Variants in NRXN1 observed in about 807,000 individuals in gnomAD.
NRXN1 encodes the protein neurexin 1, also known as neurexin-1.
In NRXN1, 39 loss-of-function variants were observed where a neutral mutation model predicts 150.9. That is an observed-to-expected ratio of 0.26 (90% confidence interval 0.20 to 0.34). The LOEUF (loss-of-function observed/expected upper bound fraction) is 0.34. Ranked by LOEUF, NRXN1 falls within the 10% of genes least tolerant of loss-of-function variation. The pLI, the probability that NRXN1 is intolerant of heterozygous loss-of-function variation, is 1.00. For missense variants in NRXN1, 1,815 were observed against 1,949.9 expected (o/e 0.93, Z 1.30); for synonymous variants, 924 against 757.0 (o/e 1.22, Z -3.62).
chr2:50,221,328 T>C (rs910857073), intron 18 of NRXN1, among the ~76,000 whole-genome samples: 6 of 152,184 alleles, frequency 3.9e-5, no homozygotes, highest in South Asian at 4.1e-4. Flanking sequence ...TGCTGCTCAG[T>C]ACCATGTGTT....
intron 21 of NRXN1, among the ~76,000 whole-genome samples, chr2:49,975,917 T>C (rs2152501419): frequency 6.6e-6 from 1 of 152,156 alleles, no homozygotes; most frequent in South Asian, 2.1e-4. Flanking sequence ...CTCAGATACA[T>C]TTGAATGAAA....
In NRXN1 at chr2:50,199,777, C is replaced by T. The variant is rs1054777254; in HGVS notation, c.3546+37012G>A. 4.6e-5 allele frequency among the ~76,000 whole-genome samples: 7 copies of T among 152,078 alleles called. No individual in the cohort carries two copies. In the East Asian group the frequency reaches 1.3e-3, roughly 29 times the overall value. On this transcript the variant is annotated intron_variant, in intron 18 of 22. Coordinates refer to ENST00000401669, the MANE Select transcript of NRXN1 (RefSeq NM_001330078.2). ...AAGCAGATTAACTAACTGAATGATA[C>T]AAAATGGTCCACTCCTCTTTTCTTA...
chr2:50,087,155 A>T (rs1324413040), intron 19 of NRXN1, among the ~76,000 whole-genome samples: 4 of 152,156 alleles, frequency 2.6e-5, no homozygotes, highest in African/African-American at 9.6e-5. Flanking sequence ...TTTATATCTT[A>T]TTCAGAAATT....
chr2:50,819,296 T>G (rs956154918), intron 5 of NRXN1, among the ~76,000 whole-genome samples: 1 of 152,126 alleles, frequency 6.6e-6, no homozygotes, highest in African/African-American at 2.4e-5. Flanking sequence ...CATTGACAGA[T>G]AAATGGAAAA....
In NRXN1 at chr2:50,754,943, A is replaced by G. The variant is rs149710785; in HGVS notation, c.833-131328T>C. Among the ~76,000 whole-genome samples, 85 of 151,992 alleles carry G rather than the reference A, an allele frequency of 5.6e-4. 1 individual carries two copies. The highest frequency in any genetic ancestry group is 1.9e-3 in the African/African-American group (80 of 41,522). ...AGCTTTCATTTCACAAGTTGGTTCAACTTAATGATTATCTGAAGTACTTTG... is the reference window on the plus strand; with the variant it reads ...AGCTTTCATTTCACAAGTTGGTTCAGCTTAATGATTATCTGAAGTACTTTG... On this transcript the variant is annotated intron_variant, in intron 5 of 22. Transcript: ENST00000401669.
intron 19 of NRXN1, among the ~76,000 whole-genome samples, chr2:50,080,116 T>G (rs1697727525): frequency 6.6e-6 from 1 of 152,110 alleles, no homozygotes; most frequent in African/African-American, 2.4e-5. Flanking sequence ...CGTTATATAG[T>G]CGGTTAGTCA....
At chr2:49,974,438 A>G (rs933848333) in intron 21 of NRXN1, among the ~76,000 whole-genome samples, 10 of 152,118 alleles carry the variant, frequency 6.6e-5, no homozygotes, top group Non-Finnish European at 1.0e-4. Flanking sequence ...ATGCACGAAC[A>G]TTTTCTGTAT....
intron 18 of NRXN1, among the ~76,000 whole-genome samples, chr2:50,150,349 C>T (rs144581912): frequency 6.3e-4 from 96 of 151,914 alleles, no homozygotes; most frequent in African/African-American, 2.1e-3. Flanking sequence ...AAAGACAGCA[C>T]AGTCCACATT....
chr2:50,730,969 G>C (rs967144991), intron 5 of NRXN1, among the ~76,000 whole-genome samples: 1 of 152,022 alleles, frequency 6.6e-6, no homozygotes, highest in African/African-American at 2.4e-5. Context: ...CACCGCGCCC[G>C]GCCTTCCCTT....
chr2:50,116,316 G>T (rs1703063893), intron 18 of NRXN1, among the ~76,000 whole-genome samples: 1 of 152,000 alleles, frequency 6.6e-6, no homozygotes, highest in Non-Finnish European at 1.5e-5. Context: ...GAACCTCATA[G>T]GGCTAATTAG....
intron 5 of NRXN1, among the ~76,000 whole-genome samples, chr2:50,688,106 A>G (rs182367678): frequency 2.4e-3 from 367 of 152,300 alleles, no homozygotes; most frequent in Non-Finnish European, 4.3e-3. Flanking sequence ...TGGGAAGGGA[A>G]AAGTCCAGAA....
rs557201641 is a variant in NRXN1 at position 50,370,084 on chromosome 2, C to G, written c.3364+95358G>C. On this transcript the variant is annotated intron_variant, in intron 17 of 22. Coordinates refer to ENST00000401669, the MANE Select transcript of NRXN1 (RefSeq NM_001330078.2). ...AGACTCCATTATCTACTCCTATACT[C>G]TCTTCAGTTGTTTTCTCTGCAATTT... Among the ~76,000 whole-genome samples, 14 of 152,156 alleles carry G rather than the reference C, an allele frequency of 9.2e-5. No individual in the cohort carries two copies. In the East Asian group the frequency reaches 2.1e-3, roughly 23 times the overall value.
intron 18 of NRXN1, among the ~76,000 whole-genome samples, chr2:50,166,102 A>G (rs977694934): frequency 6.6e-6 from 1 of 152,140 alleles, no homozygotes; most frequent in Non-Finnish European, 1.5e-5. Flanking sequence ...ATAATCTGAA[A>G]CTTTGCAGCC....
intron 15 of NRXN1, among the ~76,000 whole-genome samples, chr2:50,476,279 T>G (rs2104743189): frequency 6.6e-6 from 1 of 152,208 alleles, no homozygotes; most frequent in South Asian, 2.1e-4. Flanking sequence ...TGAACTGGGG[T>G]GATATCATGA....
intron 15 of NRXN1, among the ~76,000 whole-genome samples, chr2:50,483,054 A>AAG (rs1166152161): frequency 1.5e-5 from 2 of 134,144 alleles, no homozygotes; most frequent in South Asian, 4.2e-4. Context: ...CCGTGTCAAA[A>AAG]AAAAAAAAAA....
At chr2:50,253,152 T>C (rs2067324616) in intron 17 of NRXN1, among the ~76,000 whole-genome samples, 1 of 152,136 alleles carries the variant, frequency 6.6e-6, no homozygotes. Context: ...TATTCCTAGG[T>C]ATTTTATTGT....
intron 8 of NRXN1, among the ~76,000 whole-genome samples, chr2:50,618,914 G>T (rs1679492925): frequency 6.6e-6 from 1 of 151,952 alleles, no homozygotes; most frequent in African/African-American, 2.4e-5. Context: ...AGCATGGGTA[G>T]GTTTGGCCTT....
chr2:50,154,930 C>A, intron 18 of NRXN1, among the ~76,000 whole-genome samples: 1 of 151,104 alleles, frequency 6.6e-6, no homozygotes, highest in Non-Finnish European at 1.5e-5. Context: ...ATCACTGTTG[C>A]CCAATAGATT....
chr2:50,563,386 T>C (rs1181383890), intron 8 of NRXN1, among the ~76,000 whole-genome samples: 1 of 152,206 alleles, frequency 6.6e-6, no homozygotes, highest in Non-Finnish European at 1.5e-5. Context: ...TAGAGATAGA[T>C]TAAATCAGGA....
Sources: gnomAD v4.1 joint callset for allele counts (sites outside exome capture counted in the v4.1 genomes callset) on GRCh38, gnomAD v4.1.1 for gene constraint, MANE v1.5 for transcripts, NCBI Gene and HGNC (gene_info 2026-07-23, HGNC 2026-07-21) for gene names.